Variants in SMIM36 observed in about 807,000 individuals in gnomAD.
SMIM36 encodes the protein small integral membrane protein 36.
At chr17:55,513,501 T>C (rs1020537230), upstream of SMIM36, among the ~76,000 whole-genome samples, 5 of 152,198 alleles carry the variant, frequency 3.3e-5, no homozygotes, top group Non-Finnish European at 7.3e-5. Flanking sequence ...ACACAGCAAG[T>C]AGAGTTGTCT....
At chr17:55,494,559 G>A (rs902809843) in intron 1 of SMIM36, among the ~76,000 whole-genome samples, 3 of 151,936 alleles carry the variant, frequency 2.0e-5, no homozygotes, top group African/African-American at 4.8e-5. Context: ...GTGCAGAGCC[G>A]GTCTTCAAAG....
chr17:55,519,799 C>G, the SMIM36 span, among the ~76,000 whole-genome samples: 2 of 152,110 alleles, frequency 1.3e-5, no homozygotes, highest in Non-Finnish European at 2.9e-5. Flanking sequence ...GGACACCACG[C>G]CAGCTCAGGA....
exon 5 of SMIM36, chr17:55,449,926 G>T (rs1401535643): frequency 6.6e-6 from 1 of 152,212 alleles, no homozygotes; most frequent in Non-Finnish European, 1.5e-5. Flanking sequence ...TGGATTGAAG[G>T]ATGATCCCCC....
chr17:55,492,639 A>AAG, intron 1 of SMIM36, among the ~76,000 whole-genome samples: 1 of 151,904 alleles, frequency 6.6e-6, no homozygotes, highest in East Asian at 1.9e-4. Flanking sequence ...AAAAAAAAAA[A>AAG]AAGAAAAACA....
chr17:55,531,652 A>C, the SMIM36 span, among the ~76,000 whole-genome samples: 8 of 152,218 alleles, frequency 5.3e-5, no homozygotes, highest in Non-Finnish European at 8.8e-5. Context: ...AAAGTCTTAA[A>C]TTGTGTTTGT....
At chr17:55,457,208 G>C (rs1000331286) in intron 4 of SMIM36, among the ~76,000 whole-genome samples, 1 of 151,978 alleles carries the variant, frequency 6.6e-6, no homozygotes, top group Non-Finnish European at 1.5e-5. Context: ...CCAGCACTTC[G>C]GGAGGCTGAG....
intron 1 of SMIM36, among the ~76,000 whole-genome samples, chr17:55,493,579 G>T (rs1281783557): frequency 1.3e-5 from 2 of 152,078 alleles, no homozygotes; most frequent in African/African-American, 4.8e-5. Context: ...GGAAGCCAAG[G>T]CAGGAAGATT....
At chr17:55,477,517 A>G (rs1178078986) in intron 3 of SMIM36, among the ~76,000 whole-genome samples, 2 of 152,066 alleles carry the variant, frequency 1.3e-5, no homozygotes, top group Non-Finnish European at 2.9e-5. Context: ...CGCTCTAATG[A>G]CCCTATTTTA....
intron 1 of SMIM36, among the ~76,000 whole-genome samples, chr17:55,493,813 A>T (rs1366851570): frequency 1.7e-5 from 2 of 118,788 alleles, no homozygotes; most frequent in African/African-American, 7.2e-5. Context: ...TCTCTCAAAA[A>T]AAAAAAAAAA....
chr17:55,453,192 T>C (rs1908953752), intron 4 of SMIM36, among the ~76,000 whole-genome samples: 1 of 152,046 alleles, frequency 6.6e-6, no homozygotes, highest in Admixed American at 6.6e-5. Flanking sequence ...GGTAAACACC[T>C]GTAGTCCCAA....
At chr17:55,490,067 G>C (rs1909676835) in intron 1 of SMIM36, among the ~76,000 whole-genome samples, 1 of 151,728 alleles carries the variant, frequency 6.6e-6, no homozygotes, top group Admixed American at 6.6e-5. Flanking sequence ...ATGTTAGCCA[G>C]GATGGGCTTG....
intron 1 of SMIM36, among the ~76,000 whole-genome samples, chr17:55,492,023 G>C (rs113844341): frequency 0.036 from 5,434 of 151,698 alleles, 348 homozygotes; most frequent in African/African-American, 0.13. Context: ...GCTGGGCGTG[G>C]TGGCAGGCAC....
At chr17:55,508,848 G>A (rs562502415) in intron 1 of SMIM36, among the ~76,000 whole-genome samples, 7 of 150,460 alleles carry the variant, frequency 4.7e-5, no homozygotes, top group Middle Eastern at 3.4e-3. Flanking sequence ...GCTTGAACCC[G>A]GGAGGCGGAG....
At chr17:55,452,719 T>C (rs1908942386) in intron 4 of SMIM36, among the ~76,000 whole-genome samples, 1 of 152,220 alleles carries the variant, frequency 6.6e-6, no homozygotes, top group Admixed American at 6.5e-5. Flanking sequence ...CTATAAATGT[T>C]TGACTTTGCT....
chr17:55,493,261 G>A (rs1455717096), intron 1 of SMIM36, among the ~76,000 whole-genome samples: 1 of 152,178 alleles, frequency 6.6e-6, no homozygotes, highest in Non-Finnish European at 1.5e-5. Flanking sequence ...AAAGGTCCTT[G>A]GCATGTTGTT....
rs111875475 is a variant in SMIM36, at chr17:55,452,068, C to T, written c.*532-1770G>A. Among the ~76,000 whole-genome samples the T allele has an allele frequency of 8.2e-3, 1,183 of 144,278 alleles. 17 individuals carry two copies. Among genetic ancestry groups the T allele is most frequent in the African/African-American group, 0.029 (1,121 of 38,512 alleles). 94.7% of individuals were successfully genotyped at this position (144,278 alleles called of 152,430 possible). On this transcript the variant is annotated intron_variant, in intron 4 of 4. Coordinates refer to ENST00000636752, the Ensembl canonical transcript of SMIM36. ...TAAGCTATGATTGGGCCACTGTACTCCAGCCTGGGTGACAGCATAAGACTC... is the reference window on the plus strand; with the variant it reads ...TAAGCTATGATTGGGCCACTGTACTTCAGCCTGGGTGACAGCATAAGACTC...
At chr17:55,487,857 G>A (rs545256907) in intron 1 of SMIM36, among the ~76,000 whole-genome samples, 1 of 152,290 alleles carries the variant, frequency 6.6e-6, no homozygotes, top group Non-Finnish European at 1.5e-5. Context: ...ACTACTTGGA[G>A]GAGTGCCGAC....
chr17:55,513,148 C>A (rs1910210456), upstream of SMIM36, among the ~76,000 whole-genome samples: 2 of 152,142 alleles, frequency 1.3e-5, no homozygotes, highest in South Asian at 4.1e-4. Context: ...AACCCTAGAT[C>A]TACTGAGTTA....
chr17:55,477,973 T>C (rs1034148529), intron 3 of SMIM36, among the ~76,000 whole-genome samples: 2 of 151,936 alleles, frequency 1.3e-5, no homozygotes, highest in African/African-American at 4.8e-5. Context: ...ATTTCCAGCC[T>C]AAACAAAGGG....
Sources: allele counts gnomAD v4.1 joint callset (sites outside exome capture counted in the v4.1 genomes callset), GRCh38; gene constraint gnomAD v4.1.1; transcripts MANE v1.5; gene names NCBI Gene and HGNC (gene_info 2026-07-23, HGNC 2026-07-21).